Variants in HNRNPLL observed in about 807,000 individuals in gnomAD.
HNRNPLL encodes the protein heterogeneous nuclear ribonucleoprotein L like, also known as heterogeneous nuclear ribonucleoprotein L-like.
A neutral mutation model predicts 67.1 loss-of-function variants in HNRNPLL; 25 were observed. The observed-to-expected ratio is 0.37, with a 90% CI of 0.27 to 0.52. The LOEUF (loss-of-function observed/expected upper bound fraction) is 0.52. HNRNPLL is among the 20% of genes least tolerant of loss of function. HNRNPLL has a pLI of 0.90. For missense variants in HNRNPLL, 542 were observed against 673.9 expected (o/e 0.80, Z 2.17); for synonymous variants, 267 against 241.7 (o/e 1.10, Z -0.97).
chr2:38,577,333 G>A (rs1202580914), intron 7 of HNRNPLL, 128 bp downstream of exon 7: 3 of 644,412 alleles, frequency 4.7e-6, no homozygotes, highest in Non-Finnish European at 8.5e-6. Flanking sequence ...ACATTACAAG[G>A]GACTGATCCC....
chr2:38,577,843 T>C (rs1243507758), intron 6 of HNRNPLL: 5 of 458,508 alleles, frequency 1.1e-5, no homozygotes, highest in Non-Finnish European at 2.2e-5. Flanking sequence ...TGCTAGAAGT[T>C]TGACACTGTA....
At chr2:38,595,310 A>AC (rs1667136398) in intron 1 of HNRNPLL, among the ~76,000 whole-genome samples, 1 of 148,890 alleles carries the variant, frequency 6.7e-6, no homozygotes, top group Non-Finnish European at 1.5e-5. Flanking sequence ...AAAGAAAAAA[A>AC]CACAAAACAA....
chr2:38,569,867 G>T lies in HNRNPLL; in HGVS notation c.1151C>A (p.Ala384Asp). The T allele has an allele frequency of 6.4e-7, 1 of 1,567,710 alleles. No homozygotes were observed. The highest frequency in any genetic ancestry group is 8.8e-7 in the Non-Finnish European group (1 of 1,139,616). ...AAGGTGTGTGACAGCTCTTTCTACA[G>T]CATACTCATCACCCATTTCTACCAG... ...TALVEMGDEY[A>D]VERAVTHLNN... Residue 384 changes from alanine (A) to aspartate (D), a missense_variant, in exon 9 of 13, where the codon GCT becomes GAT. Around this residue, in one of 2 missense-constraint regions of HNRNPLL, gnomAD observed 415 missense variants for 575.2 expected, o/e 0.72. Coordinates refer to ENST00000449105, the MANE Select transcript of HNRNPLL (RefSeq NM_138394.4).
intron 1 of HNRNPLL, among the ~76,000 whole-genome samples, chr2:38,593,209 G>A (rs938254280): frequency 3.3e-5 from 5 of 152,140 alleles, no homozygotes; most frequent in Admixed American, 2.0e-4. Flanking sequence ...GAATCATTCT[G>A]ACTATACCCT....
chr2:38,569,006 C>A (rs1288529892), intron 10 of HNRNPLL, 127 bp downstream of exon 10: 2 of 696,452 alleles, frequency 2.9e-6, no homozygotes, highest in Non-Finnish European at 2.5e-6. Flanking sequence ...TATCCAGTAC[C>A]AAGTAAATAA....
At chr2:38,587,888 C>T (rs1352128633) in intron 2 of HNRNPLL, among the ~76,000 whole-genome samples, 3 of 152,086 alleles carry the variant, frequency 2.0e-5, no homozygotes, top group East Asian at 1.9e-4. Flanking sequence ...ATCCCCCTAG[C>T]GCTGTCTCCT....
In HNRNPLL at chr2:38,583,740, G is replaced by C; in HGVS notation, c.632+101C>G. 3 of 509,332 alleles carry C rather than the reference G, an allele frequency of 5.9e-6. No homozygotes were observed. In the South Asian group the frequency reaches 1.1e-4, roughly 18 times the overall value. The allele number at this position is 509,332 out of a possible 1,614,324, so 31.6% of individuals were successfully genotyped here. Reference sequence around the variant, plus strand: ...AAAGCTAAGTCACGTAGATTTTTGTGAGAGGACAAAGTAAACACCACTTGT... The same window carrying C: ...AAAGCTAAGTCACGTAGATTTTTGTCAGAGGACAAAGTAAACACCACTTGT... On this transcript the variant is annotated intron_variant, in intron 4 of 12. Coordinates refer to ENST00000449105, the MANE Select transcript of HNRNPLL (RefSeq NM_138394.4).
intron 2 of HNRNPLL, 79 bp downstream of exon 2, chr2:38,591,451 A>C: frequency 1.2e-6 from 1 of 808,874 alleles, no homozygotes; most frequent in Non-Finnish European, 2.2e-6. Context: ...TACTATGCTA[A>C]ACATCAAGGC....
intron 2 of HNRNPLL, among the ~76,000 whole-genome samples, chr2:38,586,834 A>C (rs142091103): frequency 1.3e-5 from 2 of 152,306 alleles, no homozygotes; most frequent in African/African-American, 4.8e-5. Flanking sequence ...AAGACAAACG[A>C]AGCAGCCAAA....
At chr2:38,585,593 G>A (rs953136732) in intron 3 of HNRNPLL, 51 bp downstream of exon 3, 2 of 1,160,258 alleles carry the variant, frequency 1.7e-6, no homozygotes, top group African/African-American at 3.0e-5. Flanking sequence ...TCACTCTGGA[G>A]GCAAACTGCA....
At position 38,594,964 on chromosome 2, in the gene HNRNPLL, C is replaced by T. The variant is rs573617835; in HGVS notation, c.190-3316G>A. Reference sequence around the variant, plus strand: ...CAAAAAAAAGAAATAACCATGTACCCACCATCCAATTTAATAAATAAAACA... The same window carrying T: ...CAAAAAAAAGAAATAACCATGTACCTACCATCCAATTTAATAAATAAAACA... On this transcript the variant is annotated intron_variant, in intron 1 of 12. Coordinates refer to ENST00000449105, the MANE Select transcript of HNRNPLL (RefSeq NM_138394.4). Among the ~76,000 whole-genome samples, 7 of 150,022 alleles carry T rather than the reference C, an allele frequency of 4.7e-5. 1 individual carries two copies. The highest frequency in any genetic ancestry group is 2.1e-4 in the South Asian group (1 of 4,698).
At position 38,601,985 on chromosome 2, in the gene HNRNPLL, G is replaced by A. The variant is rs1250479941; in HGVS notation, c.189+453C>T. ...TACGGGTCTCCATAGGACCGAGGCG[G>A]AGAGAGCTCCCGGTAGAACCGACGC... On this transcript the variant is annotated intron_variant, in intron 1 of 12. Transcript: ENST00000449105. 8.3e-5 allele frequency: 15 copies of A among 181,248 alleles called. No homozygotes were observed. In the East Asian group the frequency reaches 2.2e-3, roughly 27 times the overall value. The allele number at this position is 181,248 out of a possible 1,614,324, so 11.2% of individuals were successfully genotyped here. A position where few individuals can be genotyped will look rare whatever the true frequency, so the allele number is the denominator to read the frequency against.
At chr2:38,599,231 A>C (rs1198209458) in intron 1 of HNRNPLL, among the ~76,000 whole-genome samples, 1 of 152,226 alleles carries the variant, frequency 6.6e-6, no homozygotes, top group Non-Finnish European at 1.5e-5. Context: ...AAGTTGAGAA[A>C]CAAATTTTCA....
intron 7 of HNRNPLL, among the ~76,000 whole-genome samples, chr2:38,574,181 T>C (rs1666208501): frequency 1.3e-5 from 2 of 151,934 alleles, no homozygotes; most frequent in African/African-American, 2.4e-5. Flanking sequence ...TAAACAACTT[T>C]ATCTGTTTTT....
At chr2:38,594,346 T>C (rs1245816761) in intron 1 of HNRNPLL, among the ~76,000 whole-genome samples, 1 of 152,192 alleles carries the variant, frequency 6.6e-6, no homozygotes, top group Non-Finnish European at 1.5e-5. Flanking sequence ...CTGTCTTTAG[T>C]AAGAAAATAG....
At chr2:38,566,000 T>C in intron 12 of HNRNPLL, 2 of 965,186 alleles carry the variant, frequency 2.1e-6, no homozygotes, top group Non-Finnish European at 1.2e-6. Context: ...CCATCATTCA[T>C]CACCACACCC....
intron 10 of HNRNPLL, 152 bp from the exon 11 acceptor site, chr2:38,568,595 G>A: frequency 1.7e-6 from 1 of 590,138 alleles, no homozygotes; most frequent in Non-Finnish European, 3.0e-6. Flanking sequence ...CAAGCTGTAT[G>A]AAAAAATCAA....
chr2:38,568,418 G>A lies in HNRNPLL; in HGVS notation c.1442C>T (p.Thr481Ile). Reference protein sequence around the residue: ...TKLCNDHEVLTFIKYKVFDAK... With the variant: ...TKLCNDHEVLIFIKYKVFDAK... ...ATCAAACACTTTATATTTGATGAAT[G>A]TAAGAACTTCATGGTCATTACACAA... is the stretch of plus-strand genomic sequence containing the variant. Residue 481 changes from threonine to isoleucine, a missense_variant, in exon 11 of 13, where the codon ACA becomes ATA. Thr to Ile is a moderately conservative substitution (Grantham distance 89). This residue lies in a region of HNRNPLL where 415 missense variants were observed against 575.2 expected (regional missense o/e 0.72). Coordinates refer to ENST00000449105, the MANE Select transcript of HNRNPLL (RefSeq NM_138394.4). The A allele has an allele frequency of 2.5e-6, 4 of 1,607,152 alleles. No homozygotes were observed. Among genetic ancestry groups the A allele is most frequent in the Non-Finnish European group, 3.4e-6 (4 of 1,174,920 alleles).
intron 2 of HNRNPLL, among the ~76,000 whole-genome samples, chr2:38,590,000 G>A (rs1171119386): frequency 6.6e-6 from 1 of 152,124 alleles, no homozygotes; most frequent in Non-Finnish European, 1.5e-5. Flanking sequence ...AAGGTCTAAG[G>A]AGTCTGTCTA....
Sources: allele counts gnomAD v4.1 joint callset (sites outside exome capture counted in the v4.1 genomes callset), GRCh38; gene constraint gnomAD v4.1.1; regional missense constraint gnomAD v4.1.1; transcripts MANE v1.5; gene names NCBI Gene and HGNC (gene_info 2026-07-23, HGNC 2026-07-21).